The following DNAH7 variants were observed in gnomAD, a reference collection of about 807,000 sequenced individuals.
DNAH7 encodes dynein axonemal heavy chain 7.
DNAH7 carries 397 observed loss-of-function variants against 444.6 expected under a neutral mutation model. The ratio of observed to expected loss-of-function variants is 0.89; its 90% CI spans 0.82 to 0.97. The LOEUF (loss-of-function observed/expected upper bound fraction) is 0.97, where lower values mean the gene tolerates loss of function less well. Among genes scored for constraint, DNAH7 ranks in the 50% least tolerant of loss-of-function variants. The probability of loss-of-function intolerance (pLI) is 0.00; values close to 1 mark genes in which losing one functional copy is unlikely to be tolerated. For missense variants in DNAH7, 4,902 were observed against 4,800.8 expected (o/e 1.02, Z -0.62); for synonymous variants, 1,636 against 1,624.4 (o/e 1.01, Z -0.17).
At chr2:195,890,292 C>A (rs922225023) in intron 31 of DNAH7, among the ~76,000 whole-genome samples, 1 of 152,194 alleles carries the variant, frequency 6.6e-6, no homozygotes, top group Admixed American at 6.5e-5. Flanking sequence ...CTGCTGTGGG[C>A]TTCCCATGCC....
At chr2:195,925,325 C>G (rs965689860) in intron 22 of DNAH7, among the ~76,000 whole-genome samples, 1 of 152,094 alleles carries the variant, frequency 6.6e-6, no homozygotes, top group East Asian at 1.9e-4. Context: ...TGGCGGGCCA[C>G]CTTGGAGAAA....
chr2:195,925,451 C>A (rs1193159090), intron 22 of DNAH7, among the ~76,000 whole-genome samples: 1 of 152,086 alleles, frequency 6.6e-6, no homozygotes, highest in Non-Finnish European at 1.5e-5. Flanking sequence ...ACCCAAGGGC[C>A]CAAAAGTAAA....
chr2:195,957,374 A>C lies in DNAH7; in HGVS notation c.2965T>G (p.Tyr989Asp). 6.2e-7 allele frequency: 1 copy of C among 1,606,434 alleles called. No individual in the cohort carries two copies. The highest frequency in any genetic ancestry group is 8.5e-7 in the Non-Finnish European group (1 of 1,174,796). The change falls in exon 19 of 65, where the codon TAT (tyrosine) becomes GAT (aspartate). Residue 989 changes from tyrosine to aspartate, a missense_variant. Transcript: ENST00000312428. The part of the protein sequence containing the change: ...EWLKVQATWL[Y>D]LEPIFSSPDI... ...GGAGAGCTGAAAATGGGCTCCAGAT[A>C]CAGCCACGTGGCTTGGACTTTGAGC... is the stretch of plus-strand genomic sequence containing the variant.
chr2:196,001,158 G>C (rs960797773), intron 11 of DNAH7, among the ~76,000 whole-genome samples: 7 of 152,078 alleles, frequency 4.6e-5, no homozygotes, highest in African/African-American at 1.7e-4. Flanking sequence ...ATACAAGATA[G>C]AGCCCAAGAG....
At chr2:195,776,834 A>G (rs1381903199) in intron 59 of DNAH7, among the ~76,000 whole-genome samples, 2 of 152,114 alleles carry the variant, frequency 1.3e-5, no homozygotes, top group Non-Finnish European at 2.9e-5. Context: ...TCATAGAATC[A>G]TATACAAACA....
intron 19 of DNAH7, among the ~76,000 whole-genome samples, chr2:195,948,019 T>G (rs1689937499): frequency 6.6e-6 from 1 of 152,206 alleles, no homozygotes; most frequent in South Asian, 2.1e-4. Flanking sequence ...CATTGTGGTT[T>G]TGATTTGCAT....
rs762580221 is a variant in DNAH7, at chr2:195,796,593, G to T, written c.10498C>A (p.Leu3500Ile). The T allele has an allele frequency of 2.4e-5, 39 of 1,613,962 alleles. No homozygotes were observed. The South Asian group carries it at 4.1e-4, about 17-fold the overall frequency. Residue 3500 changes from leucine to isoleucine, a missense_variant, in exon 56 of 65, where the codon CTT becomes ATT. By Grantham distance (5) the Leu-to-Ile change is conservative. Transcript: ENST00000312428. The part of the protein sequence containing the change: ...CHLATSWMPT[L>I]EKVCEELSPE... ...ATTTTTACCTCACAGACTTTCTCAAGGGTTGGCATCCAAGAGGTGGCAAGG... is the reference window on the plus strand; with the variant it reads ...ATTTTTACCTCACAGACTTTCTCAATGGTTGGCATCCAAGAGGTGGCAAGG...
rs1194194476 is a variant in DNAH7, at chr2:195,958,423, C to T, written c.2892-976G>A. Among the ~76,000 whole-genome samples, 8 of 152,204 alleles carry T rather than the reference C, an allele frequency of 5.3e-5. No homozygotes were observed. The East Asian group carries it at 1.5e-3, about 29-fold the overall frequency. On this transcript the variant is annotated intron_variant, in intron 18 of 64. Transcript: ENST00000312428. ...AGTATGTGTTATGTTATTTTTAAGG[C>T]TTCTGGTTAACAGTAGGCTATTTGT...
chr2:196,038,390 C>A (rs1055828325), intron 5 of DNAH7, among the ~76,000 whole-genome samples: 2 of 151,910 alleles, frequency 1.3e-5, no homozygotes, highest in African/African-American at 4.8e-5. Context: ...AGAAGAACAC[C>A]AAATCACAAA....
chr2:195,856,466 A>G (rs574177696), intron 44 of DNAH7, among the ~76,000 whole-genome samples: 1 of 152,322 alleles, frequency 6.6e-6, no homozygotes, highest in Admixed American at 6.5e-5. Context: ...TTCTCTCCCT[A>G]GTATCTGGAA....
At chr2:195,970,883 G>A (rs1691795909) in intron 16 of DNAH7, among the ~76,000 whole-genome samples, 1 of 152,138 alleles carries the variant, frequency 6.6e-6, no homozygotes, top group Non-Finnish European at 1.5e-5. Context: ...AGCCCAGTCG[G>A]GGAGGGAAAA....
rs753389624 is a variant in DNAH7, at chr2:195,876,576, C to T, written c.6085G>A (p.Gly2029Arg). The T allele has an allele frequency of 5.6e-6, 9 of 1,613,782 alleles. No homozygotes were observed. In the South Asian group the frequency reaches 8.8e-5, roughly 16 times the overall value. Residue 2029 changes from glycine (G) to arginine (R), a missense_variant, in exon 37 of 65, where the codon GGA becomes AGA. Coordinates refer to ENST00000312428, the MANE Select transcript of DNAH7 (RefSeq NM_018897.3). Reference protein sequence around the residue: ...VMSKLDKRRKGVFGPPLGKRM... With the variant: ...VMSKLDKRRKRVFGPPLGKRM... ...TTGCCCAAAGGAGGACCAAAAACTC[C>T]CTTTCTTCTCTTGTCCAATTTTGAC...
chr2:195,941,898 T>C (rs968414983), intron 19 of DNAH7, among the ~76,000 whole-genome samples: 1 of 152,138 alleles, frequency 6.6e-6, no homozygotes, highest in African/African-American at 2.4e-5. Context: ...TTTCAGAAGT[T>C]TTCCAGAGTA....
At chr2:195,927,546 A>G (rs1238542928) in intron 21 of DNAH7, among the ~76,000 whole-genome samples, 2 of 151,890 alleles carry the variant, frequency 1.3e-5, no homozygotes, top group African/African-American at 4.8e-5. Context: ...TTAATTAAAA[A>G]AATAGGCGTA....
chr2:195,778,022 G>A (rs762841417), intron 58 of DNAH7, 37 bp from the exon 59 acceptor site: 3 of 1,547,576 alleles, frequency 1.9e-6, no homozygotes, highest in South Asian at 2.4e-5. Flanking sequence ...GTTATCAGTA[G>A]CATGTTATAC....
chr2:196,032,597 G>A (rs116583874), intron 5 of DNAH7, among the ~76,000 whole-genome samples: 4,445 of 152,230 alleles, frequency 0.029, 83 homozygotes, highest in Middle Eastern at 0.071. Flanking sequence ...AATCTGAATA[G>A]ATCTGTATCA....
intron 14 of DNAH7, 102 bp downstream of exon 14, chr2:195,986,964 T>C (rs1473192535): frequency 3.8e-6 from 4 of 1,049,166 alleles, no homozygotes; most frequent in Non-Finnish European, 5.3e-6. Context: ...TTCTTTGGAA[T>C]CATTTATGGC....
In DNAH7 at chr2:195,937,362, G is replaced by C. The variant is rs143202647; in HGVS notation, c.3079-570C>G. Among the ~76,000 whole-genome samples, 10 of 152,266 alleles carry C rather than the reference G, an allele frequency of 6.6e-5. No individual in the cohort carries two copies. In the East Asian group the frequency reaches 1.9e-3, roughly 29 times the overall value. ...TTCTTGCTGAAGGACTGAAGTTCAA[G>C]GTGTGCTCTTCCTGAACTCTCTAGA... On this transcript the variant is annotated intron_variant, in intron 19 of 64. Transcript: ENST00000312428.
chr2:195,821,079 G>A lies in DNAH7; in HGVS notation c.9291+3176C>T, dbSNP rs148414834. 5.4e-4 allele frequency among the ~76,000 whole-genome samples: 82 copies of A among 151,278 alleles called. 2 individuals carry two copies. In the East Asian group the frequency reaches 0.012, roughly 22 times the overall value. ...CTCTTCAACTCCACCTTTGTTTTATGTACAGACTGCACAACTATAGAAGGA... is the reference window on the plus strand; with the variant it reads ...CTCTTCAACTCCACCTTTGTTTTATATACAGACTGCACAACTATAGAAGGA... On this transcript the variant is annotated intron_variant, in intron 49 of 64. Transcript: ENST00000312428.
Sources: allele counts gnomAD v4.1 joint callset (sites outside exome capture counted in the v4.1 genomes callset), GRCh38; gene constraint gnomAD v4.1.1; transcripts MANE v1.5; gene names NCBI Gene and HGNC (gene_info 2026-07-23, HGNC 2026-07-21).